The following PUS3 variants were observed in gnomAD, a reference collection of about 807,000 sequenced individuals.
PUS3 encodes pseudouridine synthase 3.
Under a neutral mutation model 43.3 loss-of-function variants are expected in PUS3, and 36 were observed. The ratio of observed to expected loss-of-function variants is 0.83; its 90% CI spans 0.64 to 1.10. The LOEUF (loss-of-function observed/expected upper bound fraction) is 1.10, where lower values mean the gene tolerates loss of function less well. Ranked by LOEUF, PUS3 falls within the 50% of genes least tolerant of loss-of-function variation. The pLI is 0.00. For synonymous variants in PUS3, 183 were observed against 199.2 expected (o/e 0.92, Z 0.69); for missense variants, 544 against 589.9 (o/e 0.92, Z 0.81).
chr11:125,899,900 G>T (rs1201391268), intron 1 of PUS3: 1 of 1,614,140 alleles, frequency 6.2e-7, no homozygotes, highest in Non-Finnish European at 8.5e-7. Context: ...AGAAGGAATG[G>T]GCTCTCCAGC....
Position 125,894,176 on chromosome 11 carries a change from C to T in PUS3, c.1055G>A (p.Trp352Ter). The T allele has an allele frequency of 1.2e-6, 2 of 1,614,038 alleles. No homozygotes were observed. Among genetic ancestry groups the T allele is most frequent in the Non-Finnish European group, 1.7e-6 (2 of 1,180,000 alleles). ...GTGAGTTTTGACAGCATGATTAGCC[C>T]ACAGTTGTTGTAGGTGGGTAATATT... ...EFNITHLQQL[W>*]ANHAVKTHML... Residue 352 changes from tryptophan to a stop codon, truncating the protein, a stop_gained, in exon 4 of 4, where the codon TGG becomes TAG. Transcript: ENST00000227474. LOFTEE classifies it high-confidence loss of function.
chr11:125,900,191 C>T, intron 1 of PUS3: 1 of 1,614,224 alleles, frequency 6.2e-7, no homozygotes. Context: ...AAGGTCTGCA[C>T]TCCGTTGGGG....
intron 1 of PUS3, 66 bp downstream of exon 1, chr11:125,903,104 T>C (rs547232): frequency 0.61 from 448,793 of 734,784 alleles, 137,636 homozygotes; most frequent in South Asian, 0.72. Context: ...CGTTCAGCAG[T>C]GTGTCCATTT....
In PUS3 at chr11:125,895,223, C is replaced by T. The variant is rs765546215; in HGVS notation, c.944+1G>A. The T allele has an allele frequency of 6.4e-7, 1 of 1,573,276 alleles. No homozygotes were observed. The highest frequency in any genetic ancestry group is 1.9e-5 in the Admixed American group (1 of 52,736). On this transcript the variant is annotated splice_donor_variant, in intron 3 of 3. Transcript: ENST00000227474. LOFTEE classifies it high-confidence loss of function. Reference sequence around the variant, plus strand: ...CCATTTATTTTTTATTTTTAACTCACCTATATTGAGGCTTTTGGGGATTTT... The same window carrying T: ...CCATTTATTTTTTATTTTTAACTCATCTATATTGAGGCTTTTGGGGATTTT...
rs770656510 is a variant in PUS3, at chr11:125,899,884, A to G, written c.-47+3286T>C. ...CTCAAGATCAGCTCATTTGCTCTCTACAAAGAGAAGGAATGGGCTCTCCAG... is the reference window on the plus strand; with the variant it reads ...CTCAAGATCAGCTCATTTGCTCTCTGCAAAGAGAAGGAATGGGCTCTCCAG... On this transcript the variant is annotated intron_variant, in intron 1 of 3. Coordinates refer to ENST00000227474, the MANE Select transcript of PUS3 (RefSeq NM_031307.4). 1 of 1,614,228 alleles carries G rather than the reference A, an allele frequency of 6.2e-7. No individual in the cohort carries two copies. The highest frequency in any genetic ancestry group is 8.5e-7 in the Non-Finnish European group (1 of 1,180,034).
Position 125,893,694 on chromosome 11 carries a change from A to C in PUS3, c.*91T>G. 2.0e-6 allele frequency: 2 copies of C among 993,624 alleles called. No individual in the cohort carries two copies. Among genetic ancestry groups the C allele is most frequent in the Non-Finnish European group, 2.8e-6 (2 of 709,844 alleles). The allele number at this position is 993,624 out of a possible 1,614,324, so 61.6% of individuals were successfully genotyped here. ...TTTCTTTTAAGAGCTGATCATCTGA[A>C]TTCCTAGTACTTGCAAGTAAATTTT... On this transcript the variant is annotated 3_prime_UTR_variant, in exon 4 of 4. Coordinates refer to ENST00000227474, the MANE Select transcript of PUS3 (RefSeq NM_031307.4).
intron 1 of PUS3, among the ~76,000 whole-genome samples, chr11:125,898,097 T>TA (rs983595842): frequency 4.7e-4 from 71 of 151,364 alleles, no homozygotes; most frequent in Non-Finnish European, 6.0e-4. Context: ...TTTACGGTAT[T>TA]AAAAAAAAAT....
Position 125,895,959 on chromosome 11 carries a change from G to C in PUS3, c.326C>G (p.Ser109Cys). 2 of 1,614,058 alleles carry C rather than the reference G, an allele frequency of 1.2e-6. No individual in the cohort carries two copies. The highest frequency in any genetic ancestry group is 1.6e-4 in the Middle Eastern group (1 of 6,062). Residue 109 changes from serine to cysteine, a missense_variant, in exon 2 of 4, where the codon TCC becomes TGC. Transcript: ENST00000227474. ...KTRLVESRQT[S>C]NYHRCGRTDK... Reference sequence around the variant, plus strand: ...TGTTCTCCCACATCGGTGATAGTTGGATGTCTGTCTGCTTTCTACTAGTCG... The same window carrying C: ...TGTTCTCCCACATCGGTGATAGTTGCATGTCTGTCTGCTTTCTACTAGTCG...
rs1343222386 is a variant in PUS3 at position 125,900,237 on chromosome 11, G to A, written c.-47+2933C>T. The A allele has an allele frequency of 1.9e-6, 3 of 1,614,062 alleles. No homozygotes were observed. In the African/African-American group the frequency reaches 4.0e-5, roughly 22 times the overall value. Reference sequence around the variant, plus strand: ...GACCTTGCAAATGGTGTCATACCCAGGAAGCTTCCCTTCCCTCTTTCTCCT... The same window carrying A: ...GACCTTGCAAATGGTGTCATACCCAAGAAGCTTCCCTTCCCTCTTTCTCCT... On this transcript the variant is annotated intron_variant, in intron 1 of 3. Transcript: ENST00000227474.
Position 125,903,190 on chromosome 11 carries a change from C to G in PUS3, c.-67G>C. 1.0e-6 allele frequency: 1 copy of G among 985,480 alleles called. No homozygotes were observed. The highest frequency in any genetic ancestry group is 1.2e-6 in the Non-Finnish European group (1 of 829,946). 61.0% of individuals were successfully genotyped at this position (985,480 alleles called of 1,614,324 possible). ...CTTACTTTCCGGCAGCCGGCCGCGC[C>G]GCGTTTCCGAGAAAGGAAGCTGTCA... On this transcript the variant is annotated 5_prime_UTR_variant, in exon 1 of 4. Transcript: ENST00000227474.
chr11:125,895,832 A>C (rs376238936), intron 2 of PUS3, 43 bp from the exon 3 acceptor site: 9 of 1,580,600 alleles, frequency 5.7e-6, no homozygotes, highest in African/African-American at 1.3e-5. Flanking sequence ...AGACACAAAT[A>C]ATCTCAGTAC....
chr11:125,895,777 C>G lies in PUS3; in HGVS notation c.391G>C (p.Asp131His). The G allele has an allele frequency of 1.3e-6, 2 of 1,599,006 alleles. No individual in the cohort carries two copies. The highest frequency in any genetic ancestry group is 1.7e-6 in the Non-Finnish European group (2 of 1,175,592). The change falls in exon 3 of 4, where the codon GAC becomes CAC. Residue 131 changes from aspartate to histidine, a missense_variant. By Grantham distance (81) the Asp-to-His change is moderately conservative. Coordinates refer to ENST00000227474, the MANE Select transcript of PUS3 (RefSeq NM_031307.4). Reference protein sequence around the residue: ...VSAFGQVISLDLRSQFPRGRD... With the variant: ...VSAFGQVISLHLRSQFPRGRD... ...CCCCTTGGAAACTGAGAGCGAAGGT[C>G]AAGTGAGATCACCTGTGGAGTTAGA...
In PUS3 at chr11:125,893,981, C is replaced by T. The variant is rs376386339; in HGVS notation, c.1250G>A (p.Arg417His). Residue 417 changes from arginine (R) to histidine (H), a missense_variant, in exon 4 of 4, where the codon CGT becomes CAT. Transcript: ENST00000227474. ...KMRTYKPLMD[R>H]PKCQGLESRI... ...GGATTCCAGTCCTTGGCATTTAGGACGGTCCATGAGGGGCTTATATGTGCG... is the reference window on the plus strand; with the variant it reads ...GGATTCCAGTCCTTGGCATTTAGGATGGTCCATGAGGGGCTTATATGTGCG... 4.6e-5 allele frequency: 75 copies of T among 1,613,984 alleles called. No homozygotes were observed. The highest frequency in any genetic ancestry group is 5.4e-5 in the Non-Finnish European group (64 of 1,180,022).
chr11:125,900,454 A>C lies in PUS3; in HGVS notation c.-47+2716T>G, dbSNP rs181281091. 25 of 604,186 alleles carry C rather than the reference A, an allele frequency of 4.1e-5. No individual in the cohort carries two copies. The East Asian group carries it at 6.5e-4, about 16-fold the overall frequency. The allele number at this position is 604,186 out of a possible 1,614,324, so 37.4% of individuals were successfully genotyped here. A position where few individuals can be genotyped will look rare whatever the true frequency, so the allele number is the denominator to read the frequency against. On this transcript the variant is annotated intron_variant, in intron 1 of 3. Coordinates refer to ENST00000227474, the MANE Select transcript of PUS3 (RefSeq NM_031307.4). ...AGATGATACTTCCAAATTGCCACTC[A>C]AATCCAGCAATTGCAAGATAAATCA...
In PUS3 at chr11:125,893,594, G is replaced by A. The variant is rs954053587; in HGVS notation, c.*191C>T. 32 of 509,314 alleles carry A rather than the reference G, an allele frequency of 6.3e-5. No homozygotes were observed. The highest frequency in any genetic ancestry group is 9.1e-5 in the Non-Finnish European group (27 of 296,750). The allele number at this position is 509,314 out of a possible 1,614,324, so 31.5% of individuals were successfully genotyped here. On this transcript the variant is annotated 3_prime_UTR_variant, in exon 4 of 4. Transcript: ENST00000227474. ...TTAATCGCTTAATCCTTTTGGACCG[G>A]GATAAGAGAATATTTGAAATTTCTT...
chr11:125,895,442 T>A lies in PUS3; in HGVS notation c.726A>T (p.Leu242=). ...GGCCCACTAGCTGTACTTGAGCAGA[T>A]AGAATAGTCCTCTGAAAATTAATCA... is the stretch of plus-strand genomic sequence containing the variant. The part of the protein sequence containing the change: ...NGVINFQRTI[L]SAQVQLVGQS... The change falls in exon 3 of 4, where the codon CTA becomes CTT. Residue 242 remains leucine, a synonymous_variant. Coordinates refer to ENST00000227474, the MANE Select transcript of PUS3 (RefSeq NM_031307.4). 1 of 1,614,106 alleles carries A rather than the reference T, an allele frequency of 6.2e-7. No homozygotes were observed. The highest frequency in any genetic ancestry group is 8.5e-7 in the Non-Finnish European group (1 of 1,180,006).
At chr11:125,900,380 G>T in intron 1 of PUS3, 1 of 982,778 alleles carries the variant, frequency 1.0e-6, no homozygotes, top group East Asian at 2.5e-5. Flanking sequence ...TTTATGGTAA[G>T]GACTTCACCT....
chr11:125,901,923 G>T (rs978404236), intron 1 of PUS3, among the ~76,000 whole-genome samples: 2 of 152,164 alleles, frequency 1.3e-5, no homozygotes, highest in African/African-American at 4.8e-5. Flanking sequence ...GGGATTAAAG[G>T]TAATTTGTAT....
rs140683804 is a variant in PUS3 at position 125,900,194 on chromosome 11, C to T, written c.-47+2976G>A. 8.2e-5 allele frequency: 132 copies of T among 1,614,174 alleles called. No individual in the cohort carries two copies. The African/African-American group carries it at 1.3e-3, about 16-fold the overall frequency. ...AACAGAGAAGAAAAGGTCTGCACTC[C>T]GTTGGGGTGTTCGTTGTGACCTTGC... On this transcript the variant is annotated intron_variant, in intron 1 of 3. Coordinates refer to ENST00000227474, the MANE Select transcript of PUS3 (RefSeq NM_031307.4).
Sources: gnomAD v4.1 joint callset for allele counts (sites outside exome capture counted in the v4.1 genomes callset) on GRCh38, gnomAD v4.1.1 for gene constraint, MANE v1.5 for transcripts, NCBI Gene and HGNC (gene_info 2026-07-23, HGNC 2026-07-21) for gene names.